Variants in GRIA4 observed in about 807,000 individuals in gnomAD.
The protein encoded by GRIA4 is glutamate ionotropic receptor AMPA type subunit 4, also known as glutamate receptor 4.
A neutral mutation model predicts 104.0 loss-of-function variants in GRIA4; 34 were observed. That is an observed-to-expected ratio of 0.33 (90% CI 0.25 to 0.44). The LOEUF is 0.44. Among genes scored for constraint, GRIA4 ranks in the 20% least tolerant of loss-of-function variants. The pLI is 1.00. For synonymous variants in GRIA4, 386 were observed against 381.9 expected (o/e 1.01, Z -0.13); for missense variants, 750 against 1,096.5 (o/e 0.68, Z 4.46).
chr11:105,823,306 C>CT (rs1402670624), intron 4 of GRIA4, among the ~76,000 whole-genome samples: 1 of 152,002 alleles, frequency 6.6e-6, no homozygotes, highest in Admixed American at 6.6e-5. Flanking sequence ...AGGTGGATTT[C>CT]TTTTTTTTCT....
chr11:105,871,888 T>C (rs1945630389), intron 5 of GRIA4, among the ~76,000 whole-genome samples: 1 of 152,080 alleles, frequency 6.6e-6, no homozygotes, highest in Non-Finnish European at 1.5e-5. Flanking sequence ...AATTGAGTCA[T>C]TTTTGTGGGT....
intron 2 of GRIA4, among the ~76,000 whole-genome samples, 181 bp from the exon 3 acceptor site, chr11:105,612,095 G>A (rs1385323717): frequency 6.6e-6 from 1 of 152,114 alleles, no homozygotes; most frequent in Non-Finnish European, 1.5e-5. Context: ...AAGCTGAGCT[G>A]CTCTAAAGAC....
Position 105,612,419 on chromosome 11 carries a change from G to T in GRIA4, c.232G>T (p.Ala78Ser), listed in dbSNP as rs1287296668. 1.2e-6 allele frequency: 2 copies of T among 1,614,014 alleles called. No individual in the cohort carries two copies. The highest frequency in any genetic ancestry group is 1.7e-6 in the Non-Finnish European group (2 of 1,179,952). The part of the protein sequence containing the change: ...VDNIETANSF[A>S]VTNAFCSQYS... Reference sequence around the variant, plus strand: ...CAACATTGAGACAGCCAACAGTTTTGCTGTAACAAACGCCTGTAAGTAAAA... The same window carrying T: ...CAACATTGAGACAGCCAACAGTTTTTCTGTAACAAACGCCTGTAAGTAAAA... Residue 78 changes from alanine (A) to serine (S), a missense_variant, in exon 3 of 17, where the codon GCT becomes TCT. By Grantham distance (99) the Ala-to-Ser change is moderately conservative. This residue lies in a region of GRIA4 where 410 missense variants were observed against 502.7 expected (regional missense o/e 0.82). Transcript: ENST00000282499.
chr11:105,841,641 T>G (rs946395559), intron 4 of GRIA4, among the ~76,000 whole-genome samples: 18 of 152,196 alleles, frequency 1.2e-4, no homozygotes, highest in African/African-American at 4.3e-4. Flanking sequence ...GAGATGGTGG[T>G]TATAGGTTTT....
At chr11:105,629,290 AATAG>A (rs1237531566) in intron 3 of GRIA4, among the ~76,000 whole-genome samples, 2 of 141,266 alleles carry the variant, frequency 1.4e-5, no homozygotes, top group African/African-American at 5.2e-5. Flanking sequence ...TAAATAAATA[AATAG>A]AGACATTTTC....
At chr11:105,784,044 C>G (rs1941849429) in intron 4 of GRIA4, among the ~76,000 whole-genome samples, 1 of 152,124 alleles carries the variant, frequency 6.6e-6, no homozygotes, top group Non-Finnish European at 1.5e-5. Flanking sequence ...CCTTGGATTG[C>G]TGAATCTCCT....
chr11:105,660,379 G>GAATGACATT (rs1951972276), intron 3 of GRIA4, among the ~76,000 whole-genome samples: 1 of 151,756 alleles, frequency 6.6e-6, no homozygotes, highest in East Asian at 1.9e-4. Flanking sequence ...ATCAGACTAA[G>GAATGACATT]AATGACATTA....
chr11:105,927,942 C>T (rs777661667), intron 13 of GRIA4, among the ~76,000 whole-genome samples: 2 of 151,896 alleles, frequency 1.3e-5, no homozygotes, highest in African/African-American at 2.4e-5. Flanking sequence ...TTATTACTTT[C>T]TAAGCTTTCA....
chr11:105,698,071 A>G (rs1359878434), intron 3 of GRIA4, among the ~76,000 whole-genome samples: 1 of 152,158 alleles, frequency 6.6e-6, no homozygotes, highest in Non-Finnish European at 1.5e-5. Context: ...CATGCTAGAA[A>G]TAAGGAAAAA....
At chr11:105,617,388 T>C (rs936130192) in intron 3 of GRIA4, among the ~76,000 whole-genome samples, 9 of 151,856 alleles carry the variant, frequency 5.9e-5, no homozygotes, top group African/African-American at 1.9e-4. Flanking sequence ...GTTACTTTAC[T>C]TTCTTCCAAA....
intron 14 of GRIA4, among the ~76,000 whole-genome samples, chr11:105,964,794 GTTTTTTT>G (rs981361419): frequency 7.1e-6 from 1 of 141,822 alleles, no homozygotes; most frequent in African/African-American, 2.6e-5. Context: ...GTTTTTTTTT[GTTTTTTT>G]TTTGTTTGTT....
chr11:105,760,566 A>C (rs530714537), intron 4 of GRIA4, among the ~76,000 whole-genome samples: 1 of 152,188 alleles, frequency 6.6e-6, no homozygotes, highest in African/African-American at 2.4e-5. Flanking sequence ...GATGCAGAAC[A>C]TGACATATTT....
At chr11:105,860,284 G>A (rs2136014783) in intron 4 of GRIA4, among the ~76,000 whole-genome samples, 1 of 152,108 alleles carries the variant, frequency 6.6e-6, no homozygotes, top group African/African-American at 2.4e-5. Context: ...AGTAATGTTT[G>A]GAACTCTGAC....
intron 14 of GRIA4, among the ~76,000 whole-genome samples, chr11:105,965,608 A>G (rs1858319373): frequency 6.6e-6 from 1 of 152,106 alleles, no homozygotes; most frequent in Admixed American, 6.5e-5. Context: ...TGGCATTCTT[A>G]GAGGCAAAGG....
intron 4 of GRIA4, among the ~76,000 whole-genome samples, chr11:105,786,058 T>C (rs2135787507): frequency 6.9e-6 from 1 of 145,234 alleles, no homozygotes; most frequent in South Asian, 2.2e-4. Flanking sequence ...GGCAGGGGAA[T>C]CGCTTGACCC....
chr11:105,950,015 T>A (rs377078641), intron 14 of GRIA4, among the ~76,000 whole-genome samples: 2 of 152,240 alleles, frequency 1.3e-5, no homozygotes, highest in African/African-American at 4.8e-5. Context: ...ATGAGAATCC[T>A]CTGTCTGGCT....
At chr11:105,958,499 G>C (rs893074192) in intron 14 of GRIA4, among the ~76,000 whole-genome samples, 2 of 152,174 alleles carry the variant, frequency 1.3e-5, no homozygotes, top group Admixed American at 1.3e-4. Context: ...TTGATGTACT[G>C]TTGGATTTGG....
intron 14 of GRIA4, among the ~76,000 whole-genome samples, chr11:105,934,471 A>T (rs1265614105): frequency 6.6e-6 from 1 of 152,134 alleles, no homozygotes; most frequent in African/African-American, 2.4e-5. Flanking sequence ...ATTCATGCTA[A>T]GTTTGAAATA....
intron 10 of GRIA4, chr11:105,911,807 TATG>T: frequency 3.2e-6 from 1 of 310,380 alleles, no homozygotes; most frequent in South Asian, 5.3e-5. Context: ...TATATATATA[TATG>T]TTTCTTTTCC....
Sources: allele counts gnomAD v4.1 joint callset (sites outside exome capture counted in the v4.1 genomes callset), GRCh38; gene constraint gnomAD v4.1.1; regional missense constraint gnomAD v4.1.1; transcripts MANE v1.5; gene names NCBI Gene and HGNC (gene_info 2026-07-23, HGNC 2026-07-21).